NFIB: variants seen among roughly 807,000 people sequenced by gnomAD.
The protein encoded by NFIB is nuclear factor I B.
Under a neutral mutation model 61.5 loss-of-function variants are expected in NFIB, and 11 were observed. The ratio of observed to expected loss-of-function variants is 0.18; its 90% confidence interval spans 0.11 to 0.30. NFIB has a LOEUF of 0.30. Among genes scored for constraint, NFIB ranks in the 10% least tolerant of loss-of-function variants. NFIB has a pLI of 1.00. For missense variants in NFIB, 471 were observed against 608.9 expected (o/e 0.77, Z 2.38); for synonymous variants, 260 against 216.5 (o/e 1.20, Z -1.76).
At chr9:14,405,230 T>G in the NFIB span, among the ~76,000 whole-genome samples, 3 of 152,318 alleles carry the variant, frequency 2.0e-5, no homozygotes, top group Non-Finnish European at 2.9e-5. Context: ...TCAGCCTGAG[T>G]CCCTGAATGG....
intron 1 of NFIB, among the ~76,000 whole-genome samples, chr9:14,308,393 T>C (rs1187366739): frequency 6.6e-6 from 1 of 152,044 alleles, no homozygotes; most frequent in Non-Finnish European, 1.5e-5. Context: ...TAAATAGAAG[T>C]TTTCAAACTG....
chr9:14,438,125 G>C, the NFIB span, among the ~76,000 whole-genome samples: 2 of 152,136 alleles, frequency 1.3e-5, no homozygotes, highest in South Asian at 4.1e-4. Flanking sequence ...GAGAAGCAGG[G>C]AGGGAAGGAG....
chr9:14,303,996 T>C (rs949307735), intron 2 of NFIB, among the ~76,000 whole-genome samples: 4 of 152,244 alleles, frequency 2.6e-5, no homozygotes, highest in African/African-American at 9.6e-5. Flanking sequence ...ATGGACTGAA[T>C]TGCGGTCAAC....
intron 2 of NFIB, among the ~76,000 whole-genome samples, chr9:14,211,148 A>G (rs2131724470): frequency 6.6e-6 from 1 of 152,302 alleles, no homozygotes; most frequent in South Asian, 2.1e-4. Flanking sequence ...AAAATTTTTC[A>G]TTTCAAAACA....
rs753839611 is a variant in NFIB at position 14,179,693 on chromosome 9, G to C, written c.616+34C>G. 1.9e-5 allele frequency: 30 copies of C among 1,610,748 alleles called. No homozygotes were observed. In the South Asian group the frequency reaches 3.1e-4, roughly 17 times the overall value. On this transcript the variant is annotated intron_variant, in intron 3 of 10. Transcript: ENST00000380953. ...AGTGGTACCTTTGTTCTCCAACAAT[G>C]TCAGATTGCAAATGTCCTGGAACAC...
intron 1 of NFIB, among the ~76,000 whole-genome samples, chr9:14,360,933 A>T (rs1190612782): frequency 6.6e-6 from 1 of 152,130 alleles, no homozygotes; most frequent in Admixed American, 6.5e-5. Context: ...AGTGTGGAAG[A>T]GCACTTTTCT....
At chr9:14,308,959 C>T (rs544772832) in intron 1 of NFIB, among the ~76,000 whole-genome samples, 8 of 152,250 alleles carry the variant, frequency 5.3e-5, no homozygotes, top group South Asian at 2.1e-4. Flanking sequence ...AGAGAAAGAG[C>T]TTAACGTCCT....
At chr9:14,220,888 A>ACACACACACACACCG in intron 2 of NFIB, among the ~76,000 whole-genome samples, 1 of 65,934 alleles carries the variant, frequency 1.5e-5, no homozygotes, top group African/African-American at 5.5e-5. Flanking sequence ...CACACACACC[A>ACACACACACACACCG]CATCCCATCT....
intron 1 of NFIB, among the ~76,000 whole-genome samples, chr9:14,343,433 A>G (rs1478879355): frequency 1.3e-5 from 2 of 152,116 alleles, no homozygotes; most frequent in East Asian, 3.9e-4. Flanking sequence ...AGACGTGGCC[A>G]GGTTTTCCCT....
chr9:14,405,968 G>A, the NFIB span, among the ~76,000 whole-genome samples: 1 of 152,184 alleles, frequency 6.6e-6, no homozygotes, highest in Admixed American at 6.5e-5. Flanking sequence ...GGTTTTTGAG[G>A]GAATTGTACT....
the NFIB span, among the ~76,000 whole-genome samples, chr9:14,440,819 T>G: frequency 6.6e-6 from 1 of 152,200 alleles, no homozygotes; most frequent in Non-Finnish European, 1.5e-5. Context: ...GAACATTCAT[T>G]TATCCCCCTT....
chr9:14,204,248 A>AT, intron 2 of NFIB: 1 of 617,318 alleles, frequency 1.6e-6, no homozygotes, highest in East Asian at 2.7e-5. Flanking sequence ...ACTGCCCAAG[A>AT]TGTGGAAAGG....
intron 2 of NFIB, among the ~76,000 whole-genome samples, chr9:14,182,716 G>C (rs1047278040): frequency 0.15 from 12,638 of 83,614 alleles, 764 homozygotes; most frequent in African/African-American, 0.24. Context: ...CTCTGTGTGT[G>C]TGTGTGTGTG....
chr9:14,437,239 T>G, the NFIB span, among the ~76,000 whole-genome samples: 1 of 152,208 alleles, frequency 6.6e-6, no homozygotes, highest in East Asian at 1.9e-4. Context: ...ATGTAAAAAG[T>G]GTGCAGGAAA....
At chr9:14,344,738 G>C (rs576977957) in intron 1 of NFIB, among the ~76,000 whole-genome samples, 2 of 151,546 alleles carry the variant, frequency 1.3e-5, no homozygotes, top group East Asian at 1.9e-4. Flanking sequence ...GGGTTGCCAA[G>C]ACTGCAGGGT....
At chr9:14,242,644 GATAAGT>G (rs2054480452) in intron 2 of NFIB, among the ~76,000 whole-genome samples, 1 of 152,166 alleles carries the variant, frequency 6.6e-6, no homozygotes, top group South Asian at 2.1e-4. Context: ...CTGGCTTAAA[GATAAGT>G]ATTATTTATA....
the NFIB span, among the ~76,000 whole-genome samples, chr9:14,425,597 T>C: frequency 1.4e-5 from 2 of 147,644 alleles, no homozygotes; most frequent in African/African-American, 2.5e-5. Context: ...AATTTCAGCA[T>C]TGCTACATAA....
At chr9:14,233,676 C>T (rs1422215519) in intron 2 of NFIB, among the ~76,000 whole-genome samples, 2 of 152,048 alleles carry the variant, frequency 1.3e-5, no homozygotes, top group African/African-American at 4.8e-5. Context: ...GTGATCCACT[C>T]GCCTCAGCCT....
At chr9:14,295,354 G>A (rs563668022) in intron 2 of NFIB, among the ~76,000 whole-genome samples, 37 of 152,212 alleles carry the variant, frequency 2.4e-4, no homozygotes, top group Admixed American at 7.8e-4. Context: ...GGCCGGGCGC[G>A]GTGGCTCATG....
Sources: gnomAD v4.1 joint callset for allele counts (sites outside exome capture counted in the v4.1 genomes callset) on GRCh38, gnomAD v4.1.1 for gene constraint, MANE v1.5 for transcripts, NCBI Gene and HGNC (gene_info 2026-07-23, HGNC 2026-07-21) for gene names.